Variants in LYPD6 observed in about 807,000 individuals in gnomAD.
LYPD6 encodes the protein LY6/PLAUR domain containing 6, also known as ly6/PLAUR domain-containing protein 6.
LYPD6 carries 15 observed loss-of-function variants against 22.7 expected under a neutral mutation model. That is an observed-to-expected ratio of 0.66 (90% confidence interval 0.44 to 1.02). LYPD6 has a LOEUF of 1.02. LYPD6 is among the 50% of genes least tolerant of loss of function. LYPD6 has a pLI of 0.00. For missense variants in LYPD6, 189 were observed against 208.4 expected (o/e 0.91, Z 0.57); for synonymous variants, 72 against 77.5 (o/e 0.93, Z 0.37).
intron 1 of LYPD6, among the ~76,000 whole-genome samples, chr2:149,365,219 T>G (rs1241543984): frequency 6.6e-6 from 1 of 152,230 alleles, no homozygotes; most frequent in Non-Finnish European, 1.5e-5. Context: ...ATGTTACCTT[T>G]CAACTGAACC....
intron 1 of LYPD6, among the ~76,000 whole-genome samples, chr2:149,406,515 G>C (rs1004107622): frequency 6.6e-6 from 1 of 152,072 alleles, no homozygotes; most frequent in African/African-American, 2.4e-5. Context: ...TTTGATCTTT[G>C]TTGGTTTAAA....
intron 1 of LYPD6, among the ~76,000 whole-genome samples, chr2:149,380,047 GAGGTAAGGAGGCAAATGCCACAGGT>G (rs1682024704): frequency 6.6e-6 from 1 of 151,700 alleles, no homozygotes; most frequent in Non-Finnish European, 1.5e-5. Flanking sequence ...AAACTAGATG[GAGGTAAGGAGGCAAATGCCACAGGT>G]ATCTGGGGGA....
chr2:149,450,778 A>AT (rs1558812513), intron 3 of LYPD6, among the ~76,000 whole-genome samples: 1 of 152,226 alleles, frequency 6.6e-6, no homozygotes, highest in Non-Finnish European at 1.5e-5. Flanking sequence ...CGAAAACACT[A>AT]ACACCTAGAT....
chr2:149,367,756 C>A (rs1340474584), intron 1 of LYPD6: 2 of 152,216 alleles, frequency 1.3e-5, no homozygotes, highest in Admixed American at 1.3e-4. Flanking sequence ...TAAAGAACAA[C>A]CTCCTTGAGC....
intron 1 of LYPD6, among the ~76,000 whole-genome samples, chr2:149,360,642 A>G (rs887676090): frequency 2.7e-5 from 4 of 148,988 alleles, no homozygotes; most frequent in African/African-American, 1.0e-4. Context: ...CTATTGAAGT[A>G]GCTTTTAAAT....
At chr2:149,390,529 C>G (rs1343827583) in intron 1 of LYPD6, among the ~76,000 whole-genome samples, 2 of 152,184 alleles carry the variant, frequency 1.3e-5, no homozygotes, top group African/African-American at 2.4e-5. Context: ...GGCCCTCTGT[C>G]CTACTTAGAG....
chr2:149,382,967 A>C (rs1469794561), intron 1 of LYPD6, among the ~76,000 whole-genome samples: 3 of 152,150 alleles, frequency 2.0e-5, no homozygotes, highest in Admixed American at 6.5e-5. Context: ...TCAGAATAAA[A>C]ATTTCAAATG....
At chr2:149,382,093 A>G (rs1168481019) in intron 1 of LYPD6, among the ~76,000 whole-genome samples, 1 of 152,214 alleles carries the variant, frequency 6.6e-6, no homozygotes, top group East Asian at 1.9e-4. Context: ...AATGGGGACA[A>G]AGTCCTTGCA....
chr2:149,478,399 T>TGTGTGTGC (rs1491190671), downstream of LYPD6, among the ~76,000 whole-genome samples: 3,979 of 150,056 alleles, frequency 0.027, 180 homozygotes, highest in African/African-American at 0.089. Flanking sequence ...TGTGTGTGTG[T>TGTGTGTGC]GCGCGCACGC....
chr2:149,430,250 C>T (rs1400903905), intron 1 of LYPD6, among the ~76,000 whole-genome samples: 1 of 152,138 alleles, frequency 6.6e-6, no homozygotes, highest in African/African-American at 2.4e-5. Context: ...CAGGTGCCCG[C>T]CGCCATGCCC....
intron 2 of LYPD6, among the ~76,000 whole-genome samples, chr2:149,441,309 A>G (rs1366286244): frequency 2.6e-5 from 4 of 152,162 alleles, no homozygotes; most frequent in East Asian, 1.9e-4. Context: ...TAATGTTACA[A>G]TGTGTAACAT....
chr2:149,452,140 G>A (rs1281905635), intron 3 of LYPD6, among the ~76,000 whole-genome samples: 1 of 152,208 alleles, frequency 6.6e-6, no homozygotes, highest in Non-Finnish European at 1.5e-5. Flanking sequence ...CTCCCCAGGT[G>A]TGCTCAGTGG....
At position 149,447,624 on chromosome 2, in the gene LYPD6, A is replaced by G. The variant is rs554919476; in HGVS notation, c.119-1425A>G. ...GGGTTCATAATGACATCAGGTCTGA[A>G]CAGATAAAAATTTTACAATGTACCA... On this transcript the variant is annotated intron_variant, in intron 2 of 4. Coordinates refer to ENST00000334166, the MANE Select transcript of LYPD6 (RefSeq NM_194317.5). Among the ~76,000 whole-genome samples, 27 of 152,344 alleles carry G rather than the reference A, an allele frequency of 1.8e-4. No homozygotes were observed. The South Asian group carries it at 5.6e-3, about 32-fold the overall frequency.
chr2:149,455,317 G>C (rs1342651531), intron 3 of LYPD6, among the ~76,000 whole-genome samples: 1 of 146,918 alleles, frequency 6.8e-6, no homozygotes, highest in East Asian at 2.0e-4. Context: ...AGAGTGCAGT[G>C]GCACGATCTC....
At chr2:149,470,360 C>T (rs942895230) in intron 4 of LYPD6, among the ~76,000 whole-genome samples, 3 of 152,200 alleles carry the variant, frequency 2.0e-5, no homozygotes, top group East Asian at 1.9e-4. Flanking sequence ...AAAACACGGA[C>T]GAGTTTCTTT....
In LYPD6 at chr2:149,336,930, TGTGTGTGTG is replaced by T. The variant is rs1559116689; in HGVS notation, c.-72+6209_-72+6217del. Among the ~76,000 whole-genome samples, 51 of 150,928 alleles carry T rather than the reference TGTGTGTGTG, an allele frequency of 3.4e-4. No individual in the cohort carries two copies. The South Asian group carries it at 3.6e-3, about 11-fold the overall frequency. ...AAAAGGGCAGCATGTTGAAATAACGTGTGTGTGTGTGTGTGTGTGTGTGTGTGTGTTTGG... is the reference window on the plus strand; with the variant it reads ...AAAAGGGCAGCATGTTGAAATAACGTTGTGTGTGTGTGTGTGTGTGTTTGG... On this transcript the variant is annotated intron_variant, in intron 1 of 4. Coordinates refer to ENST00000334166, the MANE Select transcript of LYPD6 (RefSeq NM_194317.5).
chr2:149,338,124 A>G (rs1158069898), intron 1 of LYPD6, among the ~76,000 whole-genome samples: 4 of 152,148 alleles, frequency 2.6e-5, no homozygotes, highest in African/African-American at 7.2e-5. Context: ...ATACACATTC[A>G]TGTGTTTTTA....
chr2:149,404,163 G>A (rs1372440569), intron 1 of LYPD6, among the ~76,000 whole-genome samples: 1 of 152,160 alleles, frequency 6.6e-6, no homozygotes, highest in Non-Finnish European at 1.5e-5. Context: ...AAGTCAGGTG[G>A]CGTGATGCCT....
intron 3 of LYPD6, 100 bp from the exon 4 acceptor site, chr2:149,468,538 TGCTATTA>T: frequency 7.8e-7 from 1 of 1,276,768 alleles, no homozygotes; most frequent in Non-Finnish European, 1.1e-6. Flanking sequence ...ACATCTTATG[TGCTATTA>T]GCTCTTTTCT....
Sources: gnomAD v4.1 joint callset for allele counts (sites outside exome capture counted in the v4.1 genomes callset) on GRCh38, gnomAD v4.1.1 for gene constraint, MANE v1.5 for transcripts, NCBI Gene and HGNC (gene_info 2026-07-23, HGNC 2026-07-21) for gene names.